VWDE: variants seen among roughly 807,000 people sequenced by gnomAD.
VWDE encodes von Willebrand factor D and EGF domain-containing protein.
In VWDE, 207 loss-of-function variants were observed where a neutral mutation model predicts 178.4. That is an observed-to-expected ratio of 1.16 (90% confidence interval 1.04 to 1.30). The LOEUF is 1.30. Ranked by LOEUF, VWDE falls within the 50% of genes most tolerant of loss-of-function variation. The pLI is 0.00. For missense variants in VWDE, 2,287 were observed against 1,901.3 expected (o/e 1.20, Z -3.77); for synonymous variants, 738 against 651.4 (o/e 1.13, Z -2.02).
intron 1 of VWDE, among the ~76,000 whole-genome samples, chr7:12,397,073 T>C (rs944680229): frequency 6.6e-6 from 1 of 152,098 alleles, no homozygotes; most frequent in African/African-American, 2.4e-5. Context: ...AAAACTATTC[T>C]AAAATTCATA....
At position 12,344,370 on chromosome 7, in the gene VWDE, C is replaced by T; in HGVS notation, c.3982+4G>A. 1 of 1,550,442 alleles carries T rather than the reference C, an allele frequency of 6.4e-7. No homozygotes were observed. Among genetic ancestry groups the T allele is most frequent in the Non-Finnish European group, 8.7e-7 (1 of 1,146,244 alleles). ...CATGCAAACTAATGAATGATGTTAC[C>T]TACCAGTTTGGCAGTTAGAACCAAT... is the stretch of plus-strand genomic sequence containing the variant. On this transcript the variant is annotated splice_donor_region_variant and intron_variant, in intron 20 of 28. Coordinates refer to ENST00000275358, the MANE Select transcript of VWDE (RefSeq NM_001135924.3).
chr7:12,345,241 T>C lies in VWDE; in HGVS notation c.3887-772A>G, dbSNP rs184419184. On this transcript the variant is annotated intron_variant, in intron 19 of 28. Coordinates refer to ENST00000275358, the MANE Select transcript of VWDE (RefSeq NM_001135924.3). ...TTGTTCTTTCAAAATGTGATGAGAA[T>C]ACAGTATAAATGATCAATAAATAAA... is the stretch of plus-strand genomic sequence containing the variant. 8.1e-4 allele frequency among the ~76,000 whole-genome samples: 124 copies of C among 152,218 alleles called. 1 individual carries two copies. The South Asian group carries it at 0.014, about 18-fold the overall frequency.
At chr7:12,349,018 C>A (rs1025297370) in intron 19 of VWDE, among the ~76,000 whole-genome samples, 2 of 151,968 alleles carry the variant, frequency 1.3e-5, no homozygotes, top group African/African-American at 2.4e-5. Flanking sequence ...TAGGTGGGAA[C>A]TGAACAATGA....
At chr7:12,382,648 C>T (rs928432451) in intron 4 of VWDE, among the ~76,000 whole-genome samples, 2 of 151,760 alleles carry the variant, frequency 1.3e-5, no homozygotes, top group Admixed American at 1.3e-4. Flanking sequence ...CCATATAAAA[C>T]ACCTCTGTTA....
rs968819935 is a variant in VWDE at position 12,362,376 on chromosome 7, CAA to C, written c.2899-857_2899-856del. Among the ~76,000 whole-genome samples, 8 of 151,984 alleles carry C rather than the reference CAA, an allele frequency of 5.3e-5. No individual in the cohort carries two copies. The South Asian group carries it at 8.3e-4, about 16-fold the overall frequency. ...TATCCTCATAATAAATATTTTTGCT[CAA>C]GTTAGTTTATTAGTAATTTGAAACT... On this transcript the variant is annotated intron_variant, in intron 13 of 28. Coordinates refer to ENST00000275358, the MANE Select transcript of VWDE (RefSeq NM_001135924.3).
intron 10 of VWDE, among the ~76,000 whole-genome samples, chr7:12,372,328 CAT>C (rs1164520910): frequency 6.6e-6 from 1 of 151,892 alleles, no homozygotes; most frequent in Non-Finnish European, 1.5e-5. Flanking sequence ...AAATATATAA[CAT>C]ATTTTCAAAA....
chr7:12,347,921 G>A (rs145652698), intron 19 of VWDE, among the ~76,000 whole-genome samples: 5,502 of 152,032 alleles, frequency 0.036, 140 homozygotes, highest in Non-Finnish European at 0.052. Context: ...ATAACGCCGC[G>A]TATCTACAAC....
chr7:12,356,053 T>G (rs1372545960), intron 18 of VWDE, 58 bp downstream of exon 18: 1 of 1,359,654 alleles, frequency 7.4e-7, no homozygotes, highest in Admixed American at 2.1e-5. Context: ...AAGTAATCTG[T>G]AGATATGTGT....
At chr7:12,403,331 C>G (rs1439576073) in intron 1 of VWDE, among the ~76,000 whole-genome samples, 2 of 152,152 alleles carry the variant, frequency 1.3e-5, no homozygotes, top group Non-Finnish European at 2.9e-5. Context: ...CCTTGCAGAT[C>G]CGGCGAAAGT....
intron 14 of VWDE, 49 bp downstream of exon 14, chr7:12,361,312 AATGTT>A (rs1782564975): frequency 6.5e-7 from 1 of 1,537,438 alleles, no homozygotes; most frequent in Non-Finnish European, 8.8e-7. Flanking sequence ...TTCATTATGA[AATGTT>A]AAGTATTTAC....
intron 1 of VWDE, among the ~76,000 whole-genome samples, chr7:12,400,831 C>T (rs1002496417): frequency 2.4e-4 from 37 of 151,978 alleles, no homozygotes; most frequent in African/African-American, 8.7e-4. Context: ...AAACAGAATC[C>T]AGGAACATAA....
intron 1 of VWDE, among the ~76,000 whole-genome samples, chr7:12,399,502 C>T (rs573333044): frequency 4.6e-5 from 7 of 152,268 alleles, no homozygotes; most frequent in African/African-American, 1.4e-4. Flanking sequence ...TAATATCCCA[C>T]TTTCAATATC....
chr7:12,375,244 T>C lies in VWDE; in HGVS notation c.1025-17A>G, dbSNP rs1783459758. ...GCTCTCTACCTATTTAATGAAAAAA[T>C]AGGTTTAAAAATTTCCAAGAGAATA... On this transcript the variant is annotated splice_polypyrimidine_tract_variant and intron_variant, in intron 7 of 28. Transcript: ENST00000275358. 4 of 1,541,922 alleles carry C rather than the reference T, an allele frequency of 2.6e-6. No homozygotes were observed. The highest frequency in any genetic ancestry group is 2.6e-6 in the Non-Finnish European group (3 of 1,139,776).
intron 18 of VWDE, chr7:12,353,695 T>C (rs1323206981): frequency 6.6e-6 from 1 of 152,196 alleles, no homozygotes; most frequent in African/African-American, 2.4e-5. Flanking sequence ...TACCCACAAG[T>C]GGTCCATCCT....
chr7:12,361,213 T>C lies in VWDE; in HGVS notation c.3093A>G (p.Ile1031Met). The C allele has an allele frequency of 6.5e-7, 1 of 1,548,158 alleles. No individual in the cohort carries two copies. Among genetic ancestry groups the C allele is most frequent in the South Asian group, 1.2e-5 (1 of 83,834 alleles). The change falls in exon 15 of 29, where the codon ATA (isoleucine) becomes ATG (methionine). Residue 1031 changes from isoleucine to methionine, a missense_variant. By Grantham distance (10) the Ile-to-Met change is conservative. Transcript: ENST00000275358. ...NDGYKFSNPK[I>M]TVIYDGACQV... Reference sequence around the variant, plus strand: ...GGCAAGCACCATCATATATGACCGTTATTTTGGGATTACTGAATTTATAAC... The same window carrying C: ...GGCAAGCACCATCATATATGACCGTCATTTTGGGATTACTGAATTTATAAC...
chr7:12,369,606 G>A lies in VWDE; in HGVS notation c.2700C>T (p.Cys900=). 6.4e-7 allele frequency: 1 copy of A among 1,551,266 alleles called. No homozygotes were observed. The highest frequency in any genetic ancestry group is 8.7e-7 in the Non-Finnish European group (1 of 1,146,718). ...CPNLCSGNGQ[C]MEWGCACSPS... is the part of the protein sequence containing the mutation. Reference sequence around the variant, plus strand: ...GGGAACACGCACACCCCCATTCCATGCACTGCCCATTGCCGCTGCATAAAT... The same window carrying A: ...GGGAACACGCACACCCCCATTCCATACACTGCCCATTGCCGCTGCATAAAT... Residue 900 remains cysteine, a synonymous_variant, in exon 12 of 29, where the codon TGC becomes TGT. Transcript: ENST00000275358.
intron 19 of VWDE, among the ~76,000 whole-genome samples, chr7:12,346,031 T>C (rs1781579202): frequency 6.6e-6 from 1 of 152,194 alleles, no homozygotes; most frequent in African/African-American, 2.4e-5. Context: ...TGAAATATTT[T>C]ACATTAAGTA....
At chr7:12,359,774 G>A (rs1782472311) in intron 15 of VWDE, 82 bp from the exon 16 acceptor site, 1 of 786,978 alleles carries the variant, frequency 1.3e-6, no homozygotes, top group Non-Finnish European at 2.0e-6. Context: ...GGCAGTGTAT[G>A]TATTGATGAT....
intron 3 of VWDE, among the ~76,000 whole-genome samples, chr7:12,384,298 C>A (rs1416191646): frequency 6.6e-6 from 1 of 151,918 alleles, no homozygotes; most frequent in Non-Finnish European, 1.5e-5. Flanking sequence ...TAGGAAAAAA[C>A]AACACTATGG....
Sources: gnomAD v4.1 joint callset for allele counts (sites outside exome capture counted in the v4.1 genomes callset) on GRCh38, gnomAD v4.1.1 for gene constraint, MANE v1.5 for transcripts, NCBI Gene and HGNC (gene_info 2026-07-23, HGNC 2026-07-21) for gene names.